CCDC74A: variants seen among roughly 807,000 people sequenced by gnomAD.
The protein encoded by CCDC74A is coiled-coil domain containing 74A.
In CCDC74A, 38 loss-of-function variants were observed where a neutral mutation model predicts 37.6. The ratio of observed to expected loss-of-function variants is 1.01; its 90% confidence interval spans 0.78 to 1.33. The LOEUF is 1.33. Ranked by LOEUF, CCDC74A falls within the 40% of genes most tolerant of loss-of-function variation. The probability of loss-of-function intolerance (pLI) is 0.00; values close to 1 mark genes in which losing one functional copy is unlikely to be tolerated. For missense variants in CCDC74A, 340 were observed against 403.4 expected (o/e 0.84, Z 1.35); for synonymous variants, 134 against 165.2 (o/e 0.81, Z 1.45).
In CCDC74A at chr2:131,527,981, C is replaced by A. The variant is rs780630777; in HGVS notation, c.11C>A (p.Ala4Glu). 6.2e-6 allele frequency: 9 copies of A among 1,455,184 alleles called. No homozygotes were observed. Among genetic ancestry groups the A allele is most frequent in the Non-Finnish European group, 7.2e-6 (8 of 1,104,530 alleles). 90.1% of individuals were successfully genotyped at this position (1,455,184 alleles called of 1,614,324 possible). The change falls in exon 1 of 8, where the codon GCG becomes GAG. Residue 4 changes from alanine (A) to glutamate (E), a missense_variant. By Grantham distance (107) the Ala-to-Glu change is moderately radical (BLOSUM62 -1). This residue lies in a region of CCDC74A where 154 missense variants were observed against 153.9 expected (regional missense o/e 1.00). Transcript: ENST00000409856. ...CCTGGCGATGGCGATATGAGCGGTG[C>A]GGGGGTGGCGGCTGGGACGCGGCCC... The part of the protein sequence containing the change: MSG[A>E]GVAAGTRPPS...
chr2:131,526,273 A>G (rs1202709631), upstream of CCDC74A, among the ~76,000 whole-genome samples: 1 of 150,576 alleles, frequency 6.6e-6, no homozygotes, highest in Non-Finnish European at 1.5e-5. Flanking sequence ...TAGCCTCCCA[A>G]GTAGCTGGAA....
At chr2:131,528,325 G>T (rs770565483) in intron 1 of CCDC74A, 105 bp downstream of exon 1, 2 of 1,549,734 alleles carry the variant, frequency 1.3e-6, no homozygotes, top group African/African-American at 2.7e-5. Flanking sequence ...CACACGCCTG[G>T]GCTCAGGGGG....
At chr2:131,532,810 T>G in intron 5 of CCDC74A, 29 bp downstream of exon 5, 2 of 1,612,818 alleles carry the variant, frequency 1.2e-6, no homozygotes, top group Non-Finnish European at 1.7e-6. Flanking sequence ...GGGGTGGCCC[T>G]GGGCAGTCTG....
At chr2:131,524,886 C>CAAAAAAAAAAAAA (rs57589680), upstream of CCDC74A, among the ~76,000 whole-genome samples, 1 of 98,250 alleles carries the variant, frequency 1.0e-5, no homozygotes, top group African/African-American at 4.1e-5. Flanking sequence ...CATAGTAAGA[C>CAAAAAAAAAAAAA]AAAAAAAAAA....
upstream of CCDC74A, among the ~76,000 whole-genome samples, chr2:131,523,057 A>C (rs62178994): frequency 0.029 from 4,486 of 152,176 alleles, 85 homozygotes; most frequent in Non-Finnish European, 0.046. Flanking sequence ...GGCATGCGCC[A>C]CCGCACCCTG....
chr2:131,525,177 AT>A (rs1171036243), upstream of CCDC74A, among the ~76,000 whole-genome samples: 1 of 152,232 alleles, frequency 6.6e-6, no homozygotes, highest in African/African-American at 2.4e-5. Context: ...TTAAAAAAAA[AT>A]AAAGATTATA....
In CCDC74A at chr2:131,533,527, A is replaced by C; in HGVS notation, c.*129A>C. ...CCAAGACAGATAACACTCAAGATAGATAAAGTACTTGATCTCCAAACTGAC... is the reference window on the plus strand; with the variant it reads ...CCAAGACAGATAACACTCAAGATAGCTAAAGTACTTGATCTCCAAACTGAC... On this transcript the variant is annotated 3_prime_UTR_variant, in exon 8 of 8. Coordinates refer to ENST00000409856, the MANE Select transcript of CCDC74A (RefSeq NM_001258306.3). 7.7e-7 allele frequency: 1 copy of C among 1,295,434 alleles called. No individual in the cohort carries two copies. The highest frequency in any genetic ancestry group is 1.5e-5 in the South Asian group (1 of 65,566). The allele number at this position is 1,295,434 out of a possible 1,614,324, so 80.2% of individuals were successfully genotyped here. A position where few individuals can be genotyped will look rare whatever the true frequency, so the allele number is the denominator to read the frequency against.
chr2:131,529,916 A>G (rs1303979532), intron 2 of CCDC74A: 10 of 1,499,400 alleles, frequency 6.7e-6, no homozygotes, highest in Non-Finnish European at 8.9e-6. Flanking sequence ...GCCTGAGGTC[A>G]TTGCAGTGGG....
Position 131,528,224 on chromosome 2 carries a change from A to T in CCDC74A, c.250+4A>T, listed in dbSNP as rs1319639680. The T allele has an allele frequency of 5.0e-6, 8 of 1,611,630 alleles. No individual in the cohort carries two copies. Among genetic ancestry groups the T allele is most frequent in the South Asian group, 2.2e-5 (2 of 90,760 alleles). On this transcript the variant is annotated splice_donor_region_variant and intron_variant, in intron 1 of 7. Transcript: ENST00000409856. ...CATCTGAAGCGGGAAAACAAGGGTGAGCCGGCGCGGGGCCCTAGGCCGGCC... is the reference window on the plus strand; with the variant it reads ...CATCTGAAGCGGGAAAACAAGGGTGTGCCGGCGCGGGGCCCTAGGCCGGCC...
At chr2:131,526,423 A>G (rs181348160), upstream of CCDC74A, among the ~76,000 whole-genome samples, 334 of 152,324 alleles carry the variant, frequency 2.2e-3, 2 homozygotes, top group African/African-American at 7.7e-3. Flanking sequence ...CTGGGATTAC[A>G]GACATGAGCC....
chr2:131,528,345 C>T (rs1436428260), intron 1 of CCDC74A, 125 bp downstream of exon 1: 2 of 1,545,524 alleles, frequency 1.3e-6, no homozygotes, highest in Non-Finnish European at 1.7e-6. Context: ...GAACACAGGA[C>T]GGTAAGCCCG....
At chr2:131,523,819 G>C (rs566286427), upstream of CCDC74A, among the ~76,000 whole-genome samples, 1 of 152,158 alleles carries the variant, frequency 6.6e-6, no homozygotes, top group South Asian at 2.1e-4. Context: ...GAAAACCTCA[G>C]ATGGGCATGC....
At chr2:131,525,711 CTTTTTTT>C (rs58721770), upstream of CCDC74A, among the ~76,000 whole-genome samples, 672 of 63,460 alleles carry the variant, frequency 0.011, 12 homozygotes, top group African/African-American at 0.048. Flanking sequence ...CTATGCCTGC[CTTTTTTT>C]TTTTTTTTTT....
chr2:131,531,832 G>A (rs759529560), intron 4 of CCDC74A, 30 bp downstream of exon 4: 10 of 1,542,342 alleles, frequency 6.5e-6, no homozygotes, highest in South Asian at 5.8e-5. Flanking sequence ...GGGGTGCAAG[G>A]GCAGGCCAGG....
At chr2:131,523,318 T>A (rs917161482), upstream of CCDC74A, among the ~76,000 whole-genome samples, 1 of 152,182 alleles carries the variant, frequency 6.6e-6, no homozygotes, top group Non-Finnish European at 1.5e-5. Flanking sequence ...TATATCTAAT[T>A]ATTTCCCAGT....
At chr2:131,523,354 G>A (rs550452652), upstream of CCDC74A, among the ~76,000 whole-genome samples, 10 of 152,172 alleles carry the variant, frequency 6.6e-5, no homozygotes, top group African/African-American at 9.7e-5. Context: ...TTGGCCAGGC[G>A]CAGTGGCTCA....
At chr2:131,529,556 G>T in intron 1 of CCDC74A, 91 bp from the exon 2 acceptor site, 1 of 1,570,592 alleles carries the variant, frequency 6.4e-7, no homozygotes, top group Non-Finnish European at 8.8e-7. Context: ...GGACTTTTGG[G>T]CTCAGCAGCC....
upstream of CCDC74A, chr2:131,527,872 C>T (rs1024660903): frequency 2.1e-6 from 3 of 1,407,702 alleles, no homozygotes; most frequent in South Asian, 1.6e-5. Context: ...CTCGCGCCTT[C>T]CGTCGCCCGG....
rs752247211 is a variant in CCDC74A at position 131,529,701 on chromosome 2, G to C, written c.295+10G>C. 1 of 1,613,648 alleles carries C rather than the reference G, an allele frequency of 6.2e-7. No individual in the cohort carries two copies. The highest frequency in any genetic ancestry group is 8.5e-7 in the Non-Finnish European group (1 of 1,179,562). ...ACATCACAGAAGAAAGGTGAGAACT[G>C]GGCCCTTCAGTGACTGATGGGATGC... On this transcript the variant is annotated intron_variant, in intron 2 of 7. Coordinates refer to ENST00000409856, the MANE Select transcript of CCDC74A (RefSeq NM_001258306.3).
Sources: allele counts gnomAD v4.1 joint callset (sites outside exome capture counted in the v4.1 genomes callset), GRCh38; gene constraint gnomAD v4.1.1; regional missense constraint gnomAD v4.1.1; transcripts MANE v1.5; gene names NCBI Gene and HGNC (gene_info 2026-07-23, HGNC 2026-07-21).